The following MTUS2 variants were observed in gnomAD, a reference collection of about 807,000 sequenced individuals.
MTUS2 encodes the protein microtubule-associated tumor suppressor candidate 2.
MTUS2 carries 40 observed loss-of-function variants against 114.1 expected under a neutral mutation model. The observed-to-expected ratio is 0.35, with a 90% CI of 0.27 to 0.46. The LOEUF is 0.46. Among genes scored for constraint, MTUS2 ranks in the 20% least tolerant of loss-of-function variants. The pLI, the probability that MTUS2 is intolerant of heterozygous loss-of-function variation, is 1.00. For missense variants in MTUS2, 1,679 were observed against 1,705.4 expected, an observed-to-expected ratio of 0.98 and a Z score of 0.27; for synonymous variants, 688 against 672.0, an observed-to-expected ratio of 1.02 and a Z score of -0.37.
chr13:28,904,051 A>G (rs1355581245), intron 2 of MTUS2, among the ~76,000 whole-genome samples: 3 of 152,174 alleles, frequency 2.0e-5, no homozygotes, highest in Non-Finnish European at 4.4e-5. Flanking sequence ...GGCTGCATAA[A>G]TGTCTTCTTT....
intron 2 of MTUS2, among the ~76,000 whole-genome samples, chr13:28,936,623 C>T (rs889715527): frequency 4.6e-5 from 7 of 152,238 alleles, no homozygotes; most frequent in Non-Finnish European, 7.4e-5. Flanking sequence ...CACCTCAGTA[C>T]GGAGAATCTG....
intron 2 of MTUS2, among the ~76,000 whole-genome samples, chr13:28,922,147 T>G (rs554746715): frequency 6.6e-6 from 1 of 152,258 alleles, no homozygotes; most frequent in African/African-American, 2.4e-5. Context: ...TCCCCTTTGC[T>G]CTCTCTCCTG....
At chr13:29,475,486 A>G (rs1880629697) in intron 9 of MTUS2, among the ~76,000 whole-genome samples, 1 of 152,188 alleles carries the variant, frequency 6.6e-6, no homozygotes, top group Non-Finnish European at 1.5e-5. Flanking sequence ...CGAAGAAGGC[A>G]TTGTTTTCCT....
chr13:29,127,678 C>G, intron 5 of MTUS2, among the ~76,000 whole-genome samples: 1 of 152,194 alleles, frequency 6.6e-6, no homozygotes, highest in Admixed American at 6.5e-5. Flanking sequence ...CTGATTCTGT[C>G]TCTGGACAGG....
chr13:29,277,552 G>A (rs915955168), intron 5 of MTUS2, among the ~76,000 whole-genome samples: 2 of 152,224 alleles, frequency 1.3e-5, no homozygotes, highest in Non-Finnish European at 1.5e-5. Context: ...CATTGGCACG[G>A]TGATAGACAA....
At chr13:29,188,924 C>G (rs778837384) in intron 5 of MTUS2, among the ~76,000 whole-genome samples, 22 of 152,142 alleles carry the variant, frequency 1.4e-4, no homozygotes, top group Non-Finnish European at 3.1e-4. Context: ...TTTCCTTGAT[C>G]AATCCCTAAA....
intron 5 of MTUS2, among the ~76,000 whole-genome samples, chr13:29,234,615 A>C (rs1260545106): frequency 6.6e-6 from 1 of 152,176 alleles, no homozygotes; most frequent in Admixed American, 6.5e-5. Context: ...ACTTAGAAAA[A>C]AACTCCTTTT....
rs146371821 is a variant in MTUS2, at chr13:28,834,026, A to T, written c.-315-5752A>T. ...ACGTTGTTAAAAGAAATTAAAGATA[A>T]TGTACGTAAATGGAAAGACATCCTG... is the stretch of plus-strand genomic sequence containing the variant. On this transcript the variant is annotated intron_variant, in intron 1 of 15. Coordinates refer to ENST00000612955, the MANE Select transcript of MTUS2 (RefSeq NM_001033602.4). Among the ~76,000 whole-genome samples, 49 of 152,276 alleles carry T rather than the reference A, an allele frequency of 3.2e-4. No homozygotes were observed. In the East Asian group the frequency reaches 4.2e-3, roughly 13 times the overall value.
chr13:29,006,562 A>G (rs958909706), intron 2 of MTUS2, among the ~76,000 whole-genome samples: 1 of 152,202 alleles, frequency 6.6e-6, no homozygotes, highest in Non-Finnish European at 1.5e-5. Flanking sequence ...TGACAGAACC[A>G]TGATCCAAAG....
At chr13:28,944,265 C>T (rs921060171) in intron 2 of MTUS2, among the ~76,000 whole-genome samples, 6 of 152,118 alleles carry the variant, frequency 3.9e-5, no homozygotes, top group African/African-American at 1.4e-4. Context: ...GAAAGTATGA[C>T]AGATCAATGT....
chr13:29,301,964 A>G (rs2139609276), intron 6 of MTUS2, among the ~76,000 whole-genome samples: 1 of 152,298 alleles, frequency 6.6e-6, no homozygotes, highest in African/African-American at 2.4e-5. Context: ...CCTATTTTAT[A>G]AAAGCACTAA....
chr13:29,074,779 A>G (rs1016764879), intron 4 of MTUS2, among the ~76,000 whole-genome samples: 1 of 152,110 alleles, frequency 6.6e-6, no homozygotes, highest in Non-Finnish European at 1.5e-5. Context: ...GAACTAGTTA[A>G]CTAGCTAGCT....
chr13:29,180,534 C>T (rs1043881408), intron 5 of MTUS2, among the ~76,000 whole-genome samples: 3 of 152,188 alleles, frequency 2.0e-5, no homozygotes, highest in African/African-American at 4.8e-5. Context: ...GAGAATTGGA[C>T]ATTTATGGGC....
chr13:29,175,052 T>C (rs551319455), intron 5 of MTUS2, among the ~76,000 whole-genome samples: 7 of 152,342 alleles, frequency 4.6e-5, no homozygotes, highest in African/African-American at 7.2e-5. Context: ...TTAAGTCTTA[T>C]ACATAACCAG....
chr13:29,137,257 A>G (rs1892017675), intron 5 of MTUS2, among the ~76,000 whole-genome samples: 1 of 151,898 alleles, frequency 6.6e-6, no homozygotes, highest in South Asian at 2.1e-4. Flanking sequence ...GTAACCATTT[A>G]TGTCTTACTG....
chr13:29,398,721 C>T (rs555424562), intron 8 of MTUS2, among the ~76,000 whole-genome samples: 14 of 152,170 alleles, frequency 9.2e-5, no homozygotes, highest in African/African-American at 3.4e-4. Context: ...ACATAAAGTG[C>T]TGAAAAGAGA....
At chr13:28,868,173 G>C (rs574905248) in intron 2 of MTUS2, among the ~76,000 whole-genome samples, 92 of 152,276 alleles carry the variant, frequency 6.0e-4, no homozygotes, top group African/African-American at 2.0e-3. Flanking sequence ...AGAGGATTTT[G>C]GATGTGCATT....
chr13:29,385,888 G>A (rs1187251137), intron 8 of MTUS2, among the ~76,000 whole-genome samples: 1 of 152,202 alleles, frequency 6.6e-6, no homozygotes, highest in Non-Finnish European at 1.5e-5. Context: ...ATGGGATGAA[G>A]TGAACTGTCT....
intron 4 of MTUS2, among the ~76,000 whole-genome samples, chr13:29,084,939 C>A (rs1006621610): frequency 2.0e-5 from 3 of 152,166 alleles, no homozygotes; most frequent in African/African-American, 7.2e-5. Context: ...TTAATGTGAT[C>A]CCTAATGTTG....
Sources: allele counts gnomAD v4.1 joint callset (sites outside exome capture counted in the v4.1 genomes callset), GRCh38; gene constraint gnomAD v4.1.1; transcripts MANE v1.5; gene names NCBI Gene and HGNC (gene_info 2026-07-23, HGNC 2026-07-21).